Variants in FNDC1 observed in about 807,000 individuals in gnomAD.
FNDC1 encodes the protein fibronectin type III domain containing 1.
Under a neutral mutation model 168.0 loss-of-function variants are expected in FNDC1, and 96 were observed. The observed-to-expected ratio is 0.57, with a 90% CI of 0.48 to 0.68. The LOEUF is 0.68. FNDC1 is among the 30% of genes least tolerant of loss of function. The pLI is 0.00. For synonymous variants in FNDC1, 1,099 were observed against 1,025.9 expected (o/e 1.07, Z -1.36); for missense variants, 2,587 against 2,482.1 (o/e 1.04, Z -0.90).
chr6:159,221,133 AC>A (rs1160993730), intron 5 of FNDC1, among the ~76,000 whole-genome samples: 8 of 152,172 alleles, frequency 5.3e-5, no homozygotes, highest in Non-Finnish European at 1.2e-4. Flanking sequence ...GACCTGGGCT[AC>A]TCATGTTGCA....
chr6:159,188,081 A>G (rs578109231), intron 1 of FNDC1, among the ~76,000 whole-genome samples: 1 of 152,236 alleles, frequency 6.6e-6, no homozygotes, highest in Non-Finnish European at 1.5e-5. Context: ...TCCAATGGAA[A>G]GTAAAACTTG....
At chr6:159,244,988 AATC>A (rs1337644056) in intron 14 of FNDC1, among the ~76,000 whole-genome samples, 1 of 152,218 alleles carries the variant, frequency 6.6e-6, no homozygotes, top group African/African-American at 2.4e-5. Flanking sequence ...GGAAACTTAC[AATC>A]ATGGCAGAAG....
At chr6:159,268,666 C>T (rs2115035309) in intron 22 of FNDC1, among the ~76,000 whole-genome samples, 1 of 151,668 alleles carries the variant, frequency 6.6e-6, no homozygotes, top group East Asian at 1.9e-4. Context: ...ATGTATCCAT[C>T]CATCTCTCTA....
chr6:159,203,004 G>C (rs1782410197), intron 4 of FNDC1, among the ~76,000 whole-genome samples: 1 of 152,168 alleles, frequency 6.6e-6, no homozygotes. Flanking sequence ...CTCTATCCTT[G>C]GCTTGTAGAT....
chr6:159,250,145 A>G (rs1777225285), intron 16 of FNDC1, among the ~76,000 whole-genome samples: 3 of 152,124 alleles, frequency 2.0e-5, no homozygotes, highest in Admixed American at 6.5e-5. Context: ...AAGGCTTACT[A>G]TTGTCTGGCT....
intron 1 of FNDC1, among the ~76,000 whole-genome samples, chr6:159,182,269 G>A (rs1014669698): frequency 1.3e-5 from 2 of 152,184 alleles, no homozygotes; most frequent in African/African-American, 2.4e-5. Flanking sequence ...GATGAGTTCC[G>A]TGGGGTCCAC....
intron 14 of FNDC1, among the ~76,000 whole-genome samples, chr6:159,244,571 T>C (rs970730741): frequency 6.6e-6 from 1 of 152,216 alleles, no homozygotes; most frequent in Non-Finnish European, 1.5e-5. Flanking sequence ...ATTCATGTCA[T>C]TCAAACTAGG....
At chr6:159,187,860 C>G (rs536460204) in intron 1 of FNDC1, among the ~76,000 whole-genome samples, 1 of 152,326 alleles carries the variant, frequency 6.6e-6, no homozygotes, top group South Asian at 2.1e-4. Context: ...TGTCCTGTAT[C>G]GTATGAATGA....
intron 5 of FNDC1, 102 bp from the exon 6 acceptor site, chr6:159,221,496 G>C (rs1156999623): frequency 1.1e-6 from 1 of 878,208 alleles, no homozygotes; most frequent in African/African-American, 1.7e-5. Flanking sequence ...ACGGAAAAAG[G>C]GGAAGGGGAG....
At chr6:159,269,360 G>T (rs6919363) in intron 22 of FNDC1, among the ~76,000 whole-genome samples, 679 of 24,950 alleles carry the variant, frequency 0.027, 22 homozygotes, top group Middle Eastern at 0.11. Context: ...TGTTTATCTA[G>T]GTATCCATCC....
intron 22 of FNDC1, among the ~76,000 whole-genome samples, chr6:159,270,145 G>C (rs1259326380): frequency 2.0e-5 from 3 of 152,202 alleles, no homozygotes; most frequent in Admixed American, 2.0e-4. Flanking sequence ...ACCTAGAGGT[G>C]ACCTAGTGAT....
Position 159,267,893 on chromosome 6 carries a change from C to T in FNDC1, c.5536C>T (p.Gln1846Ter). The T allele has an allele frequency of 6.2e-7, 1 of 1,612,376 alleles. No individual in the cohort carries two copies. Among genetic ancestry groups the T allele is most frequent in the Non-Finnish European group, 8.5e-7 (1 of 1,179,166 alleles). ...ACACCTTGATGGAAGAACAGGGCCT[C>T]AGTCCTATGTAGAAGCCCTCCCTAC... ...DSHLDGRTGPQSYVEALPTIQ... is the reference protein window; with the variant it reads ...DSHLDGRTGP The change falls in exon 22 of 23, where the codon CAG (glutamine) becomes TAG (stop). Residue 1846 changes from glutamine to a stop codon, truncating the protein, a stop_gained. Coordinates refer to ENST00000297267, the MANE Select transcript of FNDC1 (RefSeq NM_032532.3). LOFTEE classifies it high-confidence loss of function.
chr6:159,238,947 T>C (rs1783331625), intron 13 of FNDC1, among the ~76,000 whole-genome samples: 1 of 152,212 alleles, frequency 6.6e-6, no homozygotes, highest in Non-Finnish European at 1.5e-5. Context: ...CTGTAGGTTG[T>C]AGCCCACTAC....
At chr6:159,251,273 T>A in intron 16 of FNDC1, 29 bp from the exon 17 acceptor site, 1 of 1,560,112 alleles carries the variant, frequency 6.4e-7, no homozygotes, top group Non-Finnish European at 8.8e-7. Flanking sequence ...CCTCCAGCAA[T>A]CCAATTGGTT....
At chr6:159,195,098 A>C (rs1782217222) in intron 1 of FNDC1, among the ~76,000 whole-genome samples, 1 of 151,992 alleles carries the variant, frequency 6.6e-6, no homozygotes, top group Non-Finnish European at 1.5e-5. Context: ...TTAAATTCAG[A>C]GTTGATCTTA....
In FNDC1 at chr6:159,216,617, A is replaced by G. The variant is rs148044818; in HGVS notation, c.667+1466A>G. On this transcript the variant is annotated intron_variant, in intron 5 of 22. Coordinates refer to ENST00000297267, the MANE Select transcript of FNDC1 (RefSeq NM_032532.3). ...CTCTCATTGGTGAGTTGGAAGGAGCATGGGGCAAGCATAACTGGGCCCTTT... is the reference window on the plus strand; with the variant it reads ...CTCTCATTGGTGAGTTGGAAGGAGCGTGGGGCAAGCATAACTGGGCCCTTT... Among the ~76,000 whole-genome samples the G allele has an allele frequency of 4.2e-3, 639 of 152,282 alleles. 3 individuals are homozygous for G. Among genetic ancestry groups the G allele is most frequent in the African/African-American group, 0.015 (609 of 41,556 alleles).
At chr6:159,249,254 T>G (rs1192935144) in intron 16 of FNDC1, 72 bp downstream of exon 16, 2 of 1,438,902 alleles carry the variant, frequency 1.4e-6, no homozygotes, top group African/African-American at 2.9e-5. Context: ...ACATTACTAA[T>G]CTTTTGGCCT....
chr6:159,256,395 C>T (rs898317828), intron 17 of FNDC1, 128 bp from the exon 18 acceptor site: 2 of 701,302 alleles, frequency 2.9e-6, no homozygotes, highest in Middle Eastern at 5.5e-4. Context: ...GCCGCGTGCC[C>T]TCCTTCCTGT....
At chr6:159,244,282 C>T (rs1275381959) in intron 14 of FNDC1, among the ~76,000 whole-genome samples, 3 of 152,142 alleles carry the variant, frequency 2.0e-5, no homozygotes, top group African/African-American at 7.2e-5. Flanking sequence ...GTCTTGGATC[C>T]CAGGTATATT....
Sources: gnomAD v4.1 joint callset for allele counts (sites outside exome capture counted in the v4.1 genomes callset) on GRCh38, gnomAD v4.1.1 for gene constraint, MANE v1.5 for transcripts, NCBI Gene and HGNC (gene_info 2026-07-23, HGNC 2026-07-21) for gene names.